FER: variants seen among roughly 807,000 people sequenced by gnomAD.
FER encodes the protein tyrosine-protein kinase Fer.
In FER, 63 loss-of-function variants were observed where a neutral mutation model predicts 111.0. The observed-to-expected ratio is 0.57, with a 90% CI of 0.46 to 0.70. The LOEUF is 0.70. Ranked by LOEUF, FER falls within the 30% of genes least tolerant of loss-of-function variation. The pLI is 0.00. For synonymous variants in FER, 327 were observed against 313.9 expected (o/e 1.04, Z -0.44); for missense variants, 914 against 954.0 (o/e 0.96, Z 0.55).
intron 16 of FER, among the ~76,000 whole-genome samples, chr5:109,065,239 A>G (rs1774938807): frequency 6.6e-6 from 1 of 152,196 alleles, no homozygotes; most frequent in African/African-American, 2.4e-5. Flanking sequence ...TGTTTTTCCA[A>G]GATTAAAAGA....
chr5:109,070,975 C>A (rs1331780270), intron 16 of FER, among the ~76,000 whole-genome samples: 1 of 151,938 alleles, frequency 6.6e-6, no homozygotes, highest in Non-Finnish European at 1.5e-5. Flanking sequence ...TATCGTATGG[C>A]AGCTTTGCTG....
chr5:108,785,452 AC>A, intron 2 of FER: 1 of 578,174 alleles, frequency 1.7e-6, no homozygotes, highest in South Asian at 1.4e-5. Context: ...AGGCAGAACC[AC>A]CCCAGTGTAC....
chr5:108,789,478 T>C (rs1755108273), intron 2 of FER, among the ~76,000 whole-genome samples: 1 of 152,186 alleles, frequency 6.6e-6, no homozygotes, highest in Admixed American at 6.5e-5. Flanking sequence ...TCCTAATTCA[T>C]ATCTTGCCAT....
chr5:109,195,522 C>A lies in FER; in HGVS notation c.*7947C>A, dbSNP rs1355113050. 1 of 152,152 alleles carries A rather than the reference C, an allele frequency of 6.6e-6. No individual in the cohort carries two copies. The highest frequency in any genetic ancestry group is 1.5e-5 in the Non-Finnish European group (1 of 68,028). The allele number at this position is 152,152 out of a possible 1,614,324, so 9.4% of individuals were successfully genotyped here. A position where few individuals can be genotyped will look rare whatever the true frequency, so the allele number is the denominator to read the frequency against. The stretch of plus-strand genomic sequence containing the variant: ...TTTTATAATCCTATGATTCTAAATT[C>A]AATCCCCAATATAGATTCTAAGCAT... On this transcript the variant is annotated 3_prime_UTR_variant, in exon 20 of 20. Transcript: ENST00000281092.
Position 109,186,183 on chromosome 5 carries a change from T to G in FER, c.2204-17T>G. The G allele has an allele frequency of 6.2e-7, 1 of 1,614,084 alleles. No individual in the cohort carries two copies. Among genetic ancestry groups the G allele is most frequent in the Non-Finnish European group, 8.5e-7 (1 of 1,179,936 alleles). On this transcript the variant is annotated splice_polypyrimidine_tract_variant and intron_variant, in intron 18 of 19. Coordinates refer to ENST00000281092, the MANE Select transcript of FER (RefSeq NM_005246.4). ...CTACTGTGCCTCATGTGGTTATGGT[T>G]GTTGTTCCTCTTCCAGGGAGATACA... is the stretch of plus-strand genomic sequence containing the variant.
At chr5:109,102,489 G>A (rs1422328615) in intron 17 of FER, among the ~76,000 whole-genome samples, 2 of 152,118 alleles carry the variant, frequency 1.3e-5, no homozygotes, top group Non-Finnish European at 2.9e-5. Context: ...AGTCACATCT[G>A]CCAGGGTACT....
chr5:108,967,486 G>T (rs762054857), intron 13 of FER, among the ~76,000 whole-genome samples: 89 of 152,258 alleles, frequency 5.8e-4, no homozygotes, highest in Middle Eastern at 6.8e-3. Flanking sequence ...ATGACGCCAG[G>T]CACGGTGGCT....
At chr5:109,005,116 A>G (rs60834821) in intron 13 of FER, among the ~76,000 whole-genome samples, 41,291 of 151,790 alleles carry the variant, frequency 0.27, 6,086 homozygotes, top group African/African-American at 0.39. Flanking sequence ...AACTTTGCAA[A>G]TGGGGCTGCC....
At chr5:108,924,854 C>G in intron 10 of FER, 3 of 1,159,416 alleles carry the variant, frequency 2.6e-6, no homozygotes, top group Non-Finnish European at 3.3e-6. Flanking sequence ...AAGAGTCCAG[C>G]AGGTCATCTA....
chr5:108,930,340 C>T, intron 10 of FER, among the ~76,000 whole-genome samples: 1 of 115,942 alleles, frequency 8.6e-6, no homozygotes, highest in Non-Finnish European at 1.8e-5. Flanking sequence ...TTATCCCCTC[C>T]CCTCCCCGCC....
At position 108,804,831 on chromosome 5, in the gene FER, G is replaced by A. The variant is rs1580635307; in HGVS notation, c.207+6442G>A. On this transcript the variant is annotated intron_variant, in intron 3 of 19. Transcript: ENST00000281092. ...TTTGTTGTGTCTTTGCCAAGTTTTG[G>A]TATCAGTGTGATGCTGGCTTTTTAG... 2.0e-5 allele frequency among the ~76,000 whole-genome samples: 3 copies of A among 152,136 alleles called. No homozygotes were observed. The South Asian group carries it at 6.2e-4, about 32-fold the overall frequency.
chr5:109,132,936 A>G (rs1009504683), intron 17 of FER, among the ~76,000 whole-genome samples: 1 of 152,186 alleles, frequency 6.6e-6, no homozygotes, highest in Non-Finnish European at 1.5e-5. Flanking sequence ...AGCTGTGGGC[A>G]GATAGAAAGG....
At chr5:108,978,735 A>G (rs1761688968) in intron 13 of FER, among the ~76,000 whole-genome samples, 1 of 152,186 alleles carries the variant, frequency 6.6e-6, no homozygotes, top group South Asian at 2.1e-4. Context: ...CATAGATGCA[A>G]ACTGTGTACA....
intron 13 of FER, among the ~76,000 whole-genome samples, chr5:108,970,049 C>T (rs897231150): frequency 6.8e-6 from 1 of 147,648 alleles, no homozygotes; most frequent in African/African-American, 2.7e-5. Context: ...ACTATTTTTC[C>T]CATAATTTAT....
At chr5:108,844,305 G>A (rs1561501157) in intron 5 of FER, among the ~76,000 whole-genome samples, 1 of 151,930 alleles carries the variant, frequency 6.6e-6, no homozygotes, top group Non-Finnish European at 1.5e-5. Context: ...ATATGCCCAA[G>A]AAATTAAACT....
At chr5:108,779,692 A>G (rs1753844754) in intron 2 of FER, among the ~76,000 whole-genome samples, 3 of 152,306 alleles carry the variant, frequency 2.0e-5, no homozygotes, top group South Asian at 2.1e-4. Flanking sequence ...CGTTGGGTCA[A>G]TTCTTTCAGA....
chr5:109,008,394 T>C (rs1765768514), intron 13 of FER, among the ~76,000 whole-genome samples: 1 of 152,180 alleles, frequency 6.6e-6, no homozygotes, highest in Non-Finnish European at 1.5e-5. Context: ...CTGTAGTTTC[T>C]TCAGTATTAG....
At chr5:109,172,363 T>C (rs1209045681) in intron 17 of FER, among the ~76,000 whole-genome samples, 1 of 151,428 alleles carries the variant, frequency 6.6e-6, no homozygotes, top group Non-Finnish European at 1.5e-5. Context: ...AAATCATCAT[T>C]GTCAGTAAAC....
intron 17 of FER, among the ~76,000 whole-genome samples, chr5:109,103,075 T>A (rs950170664): frequency 1.3e-5 from 2 of 152,098 alleles, no homozygotes; most frequent in Non-Finnish European, 2.9e-5. Context: ...TTTTAATGAA[T>A]TAAAATAATG....
Sources: gnomAD v4.1 joint callset for allele counts (sites outside exome capture counted in the v4.1 genomes callset) on GRCh38, gnomAD v4.1.1 for gene constraint, MANE v1.5 for transcripts, NCBI Gene and HGNC (gene_info 2026-07-23, HGNC 2026-07-21) for gene names.